The following CDH9 variants were observed in gnomAD, a reference collection of about 807,000 sequenced individuals.
The protein encoded by CDH9 is cadherin-9.
Under a neutral mutation model 70.9 loss-of-function variants are expected in CDH9, and 28 were observed. The ratio of observed to expected loss-of-function variants is 0.40; its 90% CI spans 0.29 to 0.54. The LOEUF is 0.54. CDH9 is among the 20% of genes least tolerant of loss of function. The pLI, the probability that CDH9 is intolerant of heterozygous loss-of-function variation, is 0.59. For missense variants in CDH9, 874 were observed against 984.4 expected (o/e 0.89, Z 1.50); for synonymous variants, 409 against 343.1 (o/e 1.19, Z -2.12).
At chr5:27,007,743 T>A (rs1421440055) in intron 1 of CDH9, among the ~76,000 whole-genome samples, 1 of 152,110 alleles carries the variant, frequency 6.6e-6, no homozygotes, top group African/African-American at 2.4e-5. Context: ...GCAGGTCTAA[T>A]CATTGCCAAA....
In CDH9 at chr5:26,954,388, C is replaced by CTTTCTTT. The variant is rs560729532; in HGVS notation, c.228+33717_228+33718insAAAGAAA. 6.4e-5 allele frequency among the ~76,000 whole-genome samples: 6 copies of CTTTCTTT among 93,066 alleles called. 3 individuals carry two copies. The highest frequency in any genetic ancestry group is 5.6e-4 in the Admixed American group (4 of 7,160). The allele number at this position is 93,066 out of a possible 152,430, so 61.1% of individuals were successfully genotyped here. A position where few individuals can be genotyped will look rare whatever the true frequency, so the allele number is the denominator to read the frequency against. On this transcript the variant is annotated intron_variant, in intron 2 of 11. Transcript: ENST00000231021. Reference sequence around the variant, plus strand: ...AGCTTTTCGCTATTATACAGCCTTTCTTTTTTTTTTTTTTGAGACATAGTC... The same window carrying CTTTCTTT: ...AGCTTTTCGCTATTATACAGCCTTTCTTTCTTTTTTTTTTTTTTTTTGAGACATAGTC...
At chr5:26,889,447 C>T (rs1424147040) in intron 9 of CDH9, among the ~76,000 whole-genome samples, 1 of 151,900 alleles carries the variant, frequency 6.6e-6, no homozygotes, top group African/African-American at 2.4e-5. Flanking sequence ...ATTATGATTA[C>T]CTTTATAATA....
chr5:26,887,910 G>T (rs1057306713), intron 9 of CDH9, among the ~76,000 whole-genome samples: 1 of 152,120 alleles, frequency 6.6e-6, no homozygotes, highest in African/African-American at 2.4e-5. Context: ...AGGGAGGATA[G>T]TCTCCTAGAA....
Position 26,881,733 on chromosome 5 carries a change from T to C in CDH9, c.1883-110A>G, listed in dbSNP as rs1197940868. On this transcript the variant is annotated intron_variant, in intron 11 of 11. Coordinates refer to ENST00000231021, the MANE Select transcript of CDH9 (RefSeq NM_016279.4). ...GCAGGAGATATTAAGATTGATCGAA[T>C]AAAAAGAATTAACTACCCTGTACAA... The C allele has an allele frequency of 6.3e-6, 6 of 949,090 alleles. No individual in the cohort carries two copies. The East Asian group carries it at 1.3e-4, about 20-fold the overall frequency. 58.8% of individuals were successfully genotyped at this position (949,090 alleles called of 1,614,324 possible). A position where few individuals can be genotyped will look rare whatever the true frequency, so the allele number is the denominator to read the frequency against.
At chr5:27,009,401 T>G (rs1579510478) in intron 1 of CDH9, among the ~76,000 whole-genome samples, 1 of 152,150 alleles carries the variant, frequency 6.6e-6, no homozygotes, top group South Asian at 2.1e-4. Context: ...GATTTACCTC[T>G]AAAAGGAGAA....
intron 9 of CDH9, among the ~76,000 whole-genome samples, chr5:26,888,695 G>T (rs1740605129): frequency 1.3e-5 from 2 of 152,112 alleles, no homozygotes; most frequent in Admixed American, 6.6e-5. Context: ...ACACTCAATG[G>T]CTTAAACTAC....
intron 2 of CDH9, among the ~76,000 whole-genome samples, chr5:26,927,310 A>C (rs1211825005): frequency 6.6e-6 from 1 of 152,052 alleles, no homozygotes; most frequent in Non-Finnish European, 1.5e-5. Context: ...GGAAAAAGTG[A>C]AATACTTTCC....
chr5:26,971,117 C>G (rs1579485579), intron 2 of CDH9, among the ~76,000 whole-genome samples: 1 of 152,104 alleles, frequency 6.6e-6, no homozygotes, highest in East Asian at 1.9e-4. Context: ...CAGCTTTATG[C>G]AAAGCTAAAA....
chr5:26,938,359 C>T (rs1408553682), intron 2 of CDH9, among the ~76,000 whole-genome samples: 1 of 151,844 alleles, frequency 6.6e-6, no homozygotes, highest in African/African-American at 2.4e-5. Flanking sequence ...GAAAAACAGG[C>T]ATTTCACAAA....
intron 2 of CDH9, among the ~76,000 whole-genome samples, chr5:26,922,828 C>A (rs2112013895): frequency 6.6e-6 from 1 of 151,014 alleles, no homozygotes; most frequent in Admixed American, 6.6e-5. Flanking sequence ...AACAGAAAAA[C>A]AAAAAGTTAA....
In CDH9 at chr5:27,031,692, A is replaced by G. The variant is rs554991664; in HGVS notation, c.-50+6771T>C. On this transcript the variant is annotated intron_variant, in intron 1 of 11. Coordinates refer to ENST00000231021, the MANE Select transcript of CDH9 (RefSeq NM_016279.4). ...TTTATCTGTCAACTAGCAAACTTGC[A>G]TGCCTAATAGGTCTGGAAGGAGCAA... is the stretch of plus-strand genomic sequence containing the variant. Among the ~76,000 whole-genome samples, 3 of 152,060 alleles carry G rather than the reference A, an allele frequency of 2.0e-5. No individual in the cohort carries two copies. The East Asian group carries it at 5.8e-4, about 30-fold the overall frequency.
At chr5:26,941,099 G>A (rs1741655098) in intron 2 of CDH9, among the ~76,000 whole-genome samples, 1 of 152,322 alleles carries the variant, frequency 6.6e-6, no homozygotes, top group African/African-American at 2.4e-5. Flanking sequence ...GTCACTTTCA[G>A]ATGGCTTCAA....
intron 2 of CDH9, among the ~76,000 whole-genome samples, chr5:26,955,056 T>G (rs936884299): frequency 1.3e-5 from 2 of 152,164 alleles, no homozygotes; most frequent in African/African-American, 2.4e-5. Flanking sequence ...ATTTAAAAAA[T>G]TTTTCATAGA....
At chr5:26,972,495 C>T (rs1742236332) in intron 2 of CDH9, among the ~76,000 whole-genome samples, 1 of 152,052 alleles carries the variant, frequency 6.6e-6, no homozygotes, top group African/African-American at 2.4e-5. Context: ...TGCCATTGGC[C>T]CTGTGGAACC....
At chr5:26,886,210 A>C in intron 9 of CDH9, 127 bp from the exon 10 acceptor site, 2 of 1,142,958 alleles carry the variant, frequency 1.7e-6, no homozygotes, top group Non-Finnish European at 2.4e-6. Context: ...AACAAAATAA[A>C]TGCCATTTTC....
chr5:27,015,283 G>A (rs1743027774), intron 1 of CDH9, among the ~76,000 whole-genome samples: 1 of 151,524 alleles, frequency 6.6e-6, no homozygotes, highest in Non-Finnish European at 1.5e-5. Context: ...CTAAATGATC[G>A]TGTTCTCACT....
At chr5:26,966,795 A>T (rs1237233268) in intron 2 of CDH9, among the ~76,000 whole-genome samples, 1 of 152,106 alleles carries the variant, frequency 6.6e-6, no homozygotes, top group African/African-American at 2.4e-5. Context: ...ATGCTCTTTT[A>T]GGAATTACTA....
At chr5:27,009,254 T>C (rs1343147908) in intron 1 of CDH9, among the ~76,000 whole-genome samples, 10 of 152,092 alleles carry the variant, frequency 6.6e-5, no homozygotes, top group African/African-American at 2.4e-4. Flanking sequence ...GGAGGAAAAA[T>C]AACAAGTTGT....
At chr5:26,936,537 G>A (rs1469926330) in intron 2 of CDH9, among the ~76,000 whole-genome samples, 2 of 151,904 alleles carry the variant, frequency 1.3e-5, no homozygotes, top group Non-Finnish European at 1.5e-5. Context: ...TTAAAGCAAA[G>A]GTAACTACAT....
Sources: gnomAD v4.1 joint callset for allele counts (sites outside exome capture counted in the v4.1 genomes callset) on GRCh38, gnomAD v4.1.1 for gene constraint, MANE v1.5 for transcripts, NCBI Gene and HGNC (gene_info 2026-07-23, HGNC 2026-07-21) for gene names.